The following RGS6 variants were observed in gnomAD, a reference collection of about 807,000 sequenced individuals.
RGS6 encodes regulator of G-protein signaling 6.
A neutral mutation model predicts 78.5 loss-of-function variants in RGS6; 30 were observed. The observed-to-expected ratio is 0.38, with a 90% CI of 0.29 to 0.52. The LOEUF is 0.52. RGS6 is among the 20% of genes least tolerant of loss of function. RGS6 has a pLI of 0.85. For missense variants in RGS6, 495 were observed against 609.7 expected (o/e 0.81, Z 1.98); for synonymous variants, 206 against 206.0 (o/e 1.00, Z 0.00).
At chr14:72,621,882 T>A in the RGS6 span, among the ~76,000 whole-genome samples, 7 of 152,066 alleles carry the variant, frequency 4.6e-5, no homozygotes, top group African/African-American at 1.7e-4. Context: ...CAATGGGACA[T>A]GGGAGGAAGA....
At chr14:72,322,975 G>T (rs1372625229) in intron 2 of RGS6, among the ~76,000 whole-genome samples, 1 of 152,062 alleles carries the variant, frequency 6.6e-6, no homozygotes, top group African/African-American at 2.4e-5. Flanking sequence ...TGTCATTAAT[G>T]TCGGCTACAA....
intron 2 of RGS6, among the ~76,000 whole-genome samples, chr14:72,065,082 A>G (rs1038271961): frequency 3.3e-5 from 5 of 152,248 alleles, no homozygotes; most frequent in Non-Finnish European, 7.3e-5. Flanking sequence ...AATTTTACCA[A>G]TGATTAACAT....
At chr14:72,230,439 A>C (rs943135593) in intron 2 of RGS6, among the ~76,000 whole-genome samples, 2 of 152,206 alleles carry the variant, frequency 1.3e-5, no homozygotes, top group Admixed American at 1.3e-4. Context: ...TTAAAAAGCT[A>C]GTTGAGGGTT....
At chr14:72,475,439 C>T (rs924382073) in intron 10 of RGS6, among the ~76,000 whole-genome samples, 1 of 152,156 alleles carries the variant, frequency 6.6e-6, no homozygotes, top group East Asian at 1.9e-4. Context: ...ATATTAATTT[C>T]CAAAGAGTGG....
intron 3 of RGS6, 138 bp downstream of exon 3, chr14:72,352,332 C>T: frequency 1.7e-6 from 1 of 587,922 alleles, no homozygotes; most frequent in Non-Finnish European, 2.9e-6. Flanking sequence ...ACTCAGGTCC[C>T]ATCCTAGTCT....
intron 2 of RGS6, among the ~76,000 whole-genome samples, chr14:72,298,405 T>TAATG (rs1025206364): frequency 6.6e-6 from 1 of 151,056 alleles, no homozygotes; most frequent in African/African-American, 2.4e-5. Flanking sequence ...GTGTTTGTGT[T>TAATG]AATGAGAGAT....
chr14:72,453,615 C>CAAAAAAAAAAAAA (rs60280790), intron 3 of RGS6, among the ~76,000 whole-genome samples: 1 of 52,064 alleles, frequency 1.9e-5, no homozygotes, highest in African/African-American at 6.6e-5. Flanking sequence ...GACTCCGTCT[C>CAAAAAAAAAAAAA]AAAAAAAAAA....
chr14:72,519,126 T>C (rs974739342), intron 15 of RGS6, among the ~76,000 whole-genome samples: 5 of 152,196 alleles, frequency 3.3e-5, no homozygotes, highest in Non-Finnish European at 5.9e-5. Context: ...GTGCCCCAAA[T>C]GGGTGAACCC....
At chr14:72,242,164 G>T (rs1186048084) in intron 2 of RGS6, among the ~76,000 whole-genome samples, 1 of 152,160 alleles carries the variant, frequency 6.6e-6, no homozygotes, top group Non-Finnish European at 1.5e-5. Flanking sequence ...GCTCAGTAAT[G>T]AGTAACCCAC....
chr14:72,236,516 C>CT (rs1179518998), intron 2 of RGS6, among the ~76,000 whole-genome samples: 1 of 151,712 alleles, frequency 6.6e-6, no homozygotes, highest in African/African-American at 2.4e-5. Flanking sequence ...TACAGACATT[C>CT]TTTTTTTTTC....
At chr14:72,525,465 T>C (rs758689927) in intron 15 of RGS6, among the ~76,000 whole-genome samples, 2 of 152,170 alleles carry the variant, frequency 1.3e-5, no homozygotes, top group Non-Finnish European at 2.9e-5. Context: ...GAGGTCTGCG[T>C]GATAAAAGAG....
chr14:72,523,610 A>G (rs1368323299), intron 15 of RGS6, among the ~76,000 whole-genome samples: 1 of 151,960 alleles, frequency 6.6e-6, no homozygotes, highest in Non-Finnish European at 1.5e-5. Flanking sequence ...AATTGCCTGT[A>G]TTTGCTTCCT....
intron 8 of RGS6, among the ~76,000 whole-genome samples, chr14:72,472,172 G>GA (rs5809575): frequency 0.63 from 88,699 of 141,414 alleles, 28,573 homozygotes; most frequent in East Asian, 0.97. Flanking sequence ...GCTTTTTTAA[G>GA]AAAAAAAAAA....
intron 2 of RGS6, among the ~76,000 whole-genome samples, chr14:72,241,114 G>A (rs374779341): frequency 8.7e-4 from 126 of 144,444 alleles, no homozygotes; most frequent in African/African-American, 3.2e-3. Flanking sequence ...CTGAGATCAT[G>A]CCACTGCATT....
Position 71,985,156 on chromosome 14 carries a change from G to A in RGS6, c.84+20281G>A, listed in dbSNP as rs146955470. 2.2e-4 allele frequency among the ~76,000 whole-genome samples: 33 copies of A among 152,148 alleles called. No individual in the cohort carries two copies. In the East Asian group the frequency reaches 4.1e-3, roughly 19 times the overall value. ...ATTTTTAATTTTGAGATGGAGTCTC[G>A]TTCTGTCACCAGGCTGGAGTGCAGT... On this transcript the variant is annotated intron_variant, in intron 2 of 17. Transcript: ENST00000553525.
the RGS6 span, among the ~76,000 whole-genome samples, chr14:72,617,519 G>A: frequency 6.6e-6 from 1 of 152,150 alleles, no homozygotes; most frequent in Non-Finnish European, 1.5e-5. Flanking sequence ...AATTCCATCC[G>A]GTCGGGGGCC....
At position 72,078,171 on chromosome 14, in the gene RGS6, G is replaced by A. The variant is rs2094659917; in HGVS notation, c.84+113296G>A. Among the ~76,000 whole-genome samples the A allele has an allele frequency of 3.3e-5, 5 of 152,148 alleles. 1 individual carries two copies. The highest frequency in any genetic ancestry group is 3.3e-4 in the Admixed American group (5 of 15,274). On this transcript the variant is annotated intron_variant, in intron 2 of 17. Transcript: ENST00000553525. ...CTTTGTGCTGTTCTTATGATAGTGAGTTCTCATGGGATCTGGTTGTTAAAA... is the reference window on the plus strand; with the variant it reads ...CTTTGTGCTGTTCTTATGATAGTGAATTCTCATGGGATCTGGTTGTTAAAA...
chr14:72,237,290 A>G (rs1159291951), intron 2 of RGS6, among the ~76,000 whole-genome samples: 1 of 152,184 alleles, frequency 6.6e-6, no homozygotes, highest in Non-Finnish European at 1.5e-5. Flanking sequence ...TGCAGCTATT[A>G]TGAAGAAAAT....
chr14:72,244,951 A>G (rs533387363), intron 2 of RGS6, among the ~76,000 whole-genome samples: 1 of 151,984 alleles, frequency 6.6e-6, no homozygotes, highest in East Asian at 1.9e-4. Flanking sequence ...CAGCCTTCTG[A>G]GTAGCTGGGA....
Sources: allele counts gnomAD v4.1 joint callset (sites outside exome capture counted in the v4.1 genomes callset), GRCh38; gene constraint gnomAD v4.1.1; transcripts MANE v1.5; gene names NCBI Gene and HGNC (gene_info 2026-07-23, HGNC 2026-07-21).